The following PFKFB3 variants were observed in gnomAD, a reference collection of about 807,000 sequenced individuals.
PFKFB3 encodes the protein 6-phosphofructo-2-kinase/fructose-2,6-biphosphatase 3.
Under a neutral mutation model 68.0 loss-of-function variants are expected in PFKFB3, and 33 were observed. That is an observed-to-expected ratio of 0.49 (90% CI 0.37 to 0.65). The LOEUF is 0.65. PFKFB3 is among the 30% of genes least tolerant of loss of function. PFKFB3 has a pLI of 0.00. For missense variants in PFKFB3, 586 were observed against 712.2 expected, an observed-to-expected ratio of 0.82 and a Z score of 2.02; for synonymous variants, 315 against 288.2, an observed-to-expected ratio of 1.09 and a Z score of -0.94.
At chr10:6,291,099 T>G in the PFKFB3 span, among the ~76,000 whole-genome samples, 1 of 151,442 alleles carries the variant, frequency 6.6e-6, no homozygotes, top group Non-Finnish European at 1.5e-5. Context: ...ATAATCAGGA[T>G]AAAGTGTCCT....
At chr10:6,320,685 A>G in the PFKFB3 span, among the ~76,000 whole-genome samples, 31 of 152,240 alleles carry the variant, frequency 2.0e-4, no homozygotes, top group South Asian at 4.4e-3. Flanking sequence ...TCAGTTGCCC[A>G]AAGTGCTGCA....
the PFKFB3 span, among the ~76,000 whole-genome samples, chr10:6,302,401 A>G: frequency 1.8e-5 from 1 of 55,124 alleles, no homozygotes. Flanking sequence ...TTTTTTTTTG[A>G]GACGGAGTCT....
intron 14 of PFKFB3, among the ~76,000 whole-genome samples, chr10:6,251,043 G>A (rs868473012): frequency 2.4e-4 from 36 of 152,160 alleles, no homozygotes; most frequent in African/African-American, 7.7e-4. Context: ...CCGTCCCCAT[G>A]GGTATTTTTA....
the PFKFB3 span, among the ~76,000 whole-genome samples, chr10:6,311,307 A>G: frequency 1.3e-5 from 2 of 152,134 alleles, no homozygotes; most frequent in Admixed American, 6.5e-5. Flanking sequence ...ATGGGCCGCC[A>G]TGGAAAATCA....
Position 6,216,789 on chromosome 10 carries a change from A to G in PFKFB3, c.441+9A>G. ...AAGAAAATGACTTTAAGGTGAGCTG[A>G]GCGTCTTGTGTTGTGCTAGAGGGCT... On this transcript the variant is annotated intron_variant, in intron 5 of 14. Coordinates refer to ENST00000379775, the MANE Select transcript of PFKFB3 (RefSeq NM_004566.4). 1 of 1,606,512 alleles carries G rather than the reference A, an allele frequency of 6.2e-7. No homozygotes were observed. The highest frequency in any genetic ancestry group is 8.5e-7 in the Non-Finnish European group (1 of 1,173,100).
At chr10:6,164,065 A>G (rs1418488251) in intron 1 of PFKFB3, 1 of 152,340 alleles carries the variant, frequency 6.6e-6, no homozygotes. Flanking sequence ...TGCAGGCCGC[A>G]GATGAGGAAA....
intron 5 of PFKFB3, 137 bp downstream of exon 5, chr10:6,216,917 T>C: frequency 1.2e-6 from 1 of 807,604 alleles, no homozygotes; most frequent in Non-Finnish European, 2.1e-6. Flanking sequence ...CCCCTCCTGC[T>C]GCCCACGTTT....
At chr10:6,199,304 G>A (rs554985499), upstream of PFKFB3, among the ~76,000 whole-genome samples, 69 of 152,176 alleles carry the variant, frequency 4.5e-4, no homozygotes, top group Non-Finnish European at 7.4e-4. Context: ...ACGGAAATGC[G>A]GTTGCTTGTG....
the PFKFB3 span, among the ~76,000 whole-genome samples, chr10:6,278,879 T>A: frequency 6.6e-6 from 1 of 152,276 alleles, no homozygotes; most frequent in East Asian, 1.9e-4. Context: ...TTAGACAGAC[T>A]CGAATGCTAG....
chr10:6,278,514 A>G, the PFKFB3 span, among the ~76,000 whole-genome samples: 4 of 151,902 alleles, frequency 2.6e-5, no homozygotes, highest in East Asian at 7.8e-4. Flanking sequence ...TGACCTCATG[A>G]TCTGCCCACC....
chr10:6,207,126 A>G (rs913013742), intron 1 of PFKFB3, among the ~76,000 whole-genome samples: 1 of 152,206 alleles, frequency 6.6e-6, no homozygotes, highest in Non-Finnish European at 1.5e-5. Flanking sequence ...AGATCACGCC[A>G]CTGCACCCCA....
chr10:6,232,918 C>G lies in PFKFB3; in HGVS notation c.1539C>G (p.Ser513Arg). The stretch of plus-strand genomic sequence containing the variant: ...AGAACATGAAAGGCTCCCGGAGCAG[C>G]GCTGACTCCTCCAGGAAACACTGAG... ...PGQNMKGSRS[S>R]ADSSRKH The change falls in exon 15 of 15, where the codon AGC becomes AGG. Residue 513 changes from serine to arginine, a missense_variant. Physicochemically the swap from Ser to Arg is moderately radical, Grantham distance 110. Transcript: ENST00000379775. 6.2e-7 allele frequency: 1 copy of G among 1,613,246 alleles called. No homozygotes were observed. Among genetic ancestry groups the G allele is most frequent in the African/African-American group, 1.3e-5 (1 of 75,042 alleles).
At chr10:6,243,980 C>T (rs1846196860) in intron 14 of PFKFB3, among the ~76,000 whole-genome samples, 1 of 151,992 alleles carries the variant, frequency 6.6e-6, no homozygotes, top group Non-Finnish European at 1.5e-5. Flanking sequence ...CCACCTCAAC[C>T]TCCCGAGTAG....
At chr10:6,182,928 T>C (rs7073774) in intron 1 of PFKFB3, among the ~76,000 whole-genome samples, 4,327 of 152,220 alleles carry the variant, frequency 0.028, 136 homozygotes, top group African/African-American at 0.081. Flanking sequence ...CTGGAAGGAC[T>C]ATGGGGCCCC....
chr10:6,294,262 C>A, the PFKFB3 span: 1 of 528,604 alleles, frequency 1.9e-6, no homozygotes, highest in Non-Finnish European at 3.9e-6. Context: ...GCAGCAAAAG[C>A]AGTGTATTAA....
At chr10:6,286,103 G>A in the PFKFB3 span, among the ~76,000 whole-genome samples, 2,695 of 145,946 alleles carry the variant, frequency 0.018, 88 homozygotes, top group African/African-American at 0.064. Flanking sequence ...TCAGCCTCCC[G>A]AGTAGCTGGG....
chr10:6,224,586 TCCTCCCGCCTCAG>T (rs759829241), intron 13 of PFKFB3: 27 of 422,454 alleles, frequency 6.4e-5, no homozygotes, highest in Non-Finnish European at 1.1e-4. Flanking sequence ...GTTCAAGTGA[TCCTCCCGCCTCAG>T]CCTCCCGCGT....
the PFKFB3 span, among the ~76,000 whole-genome samples, chr10:6,292,254 G>A: frequency 1.4e-5 from 2 of 138,134 alleles, no homozygotes; most frequent in Non-Finnish European, 3.1e-5. Context: ...GCACCCAGCC[G>A]AAACCAGTGT....
At chr10:6,283,353 A>G in the PFKFB3 span, among the ~76,000 whole-genome samples, 1 of 152,202 alleles carries the variant, frequency 6.6e-6, no homozygotes, top group Non-Finnish European at 1.5e-5. Flanking sequence ...ACATGACTCA[A>G]AGCAGAAGTA....
Sources: allele counts gnomAD v4.1 joint callset (sites outside exome capture counted in the v4.1 genomes callset), GRCh38; gene constraint gnomAD v4.1.1; transcripts MANE v1.5; gene names NCBI Gene and HGNC (gene_info 2026-07-23, HGNC 2026-07-21).